GTF3C5: variants seen among roughly 807,000 people sequenced by gnomAD.
GTF3C5 encodes general transcription factor 3C polypeptide 5.
GTF3C5 carries 47 observed loss-of-function variants against 61.0 expected under a neutral mutation model. That is an observed-to-expected ratio of 0.77 (90% CI 0.61 to 0.98). The LOEUF (loss-of-function observed/expected upper bound fraction) is 0.98. Ranked by LOEUF, GTF3C5 falls within the 50% of genes least tolerant of loss-of-function variation. The pLI is 0.00. For missense variants in GTF3C5, 659 were observed against 703.3 expected (o/e 0.94, Z 0.71); for synonymous variants, 295 against 275.4 (o/e 1.07, Z -0.71).
At chr9:133,052,324 C>CCCTGGCCTGGCCCTCATCCTT (rs1260559747) in intron 5 of GTF3C5, among the ~76,000 whole-genome samples, 160 bp downstream of exon 5, 1 of 151,156 alleles carries the variant, frequency 6.6e-6, no homozygotes, top group African/African-American at 2.4e-5. Flanking sequence ...TCCTACCCAC[C>CCCTGGCCTGGCCCTCATCCTT]CCTGGCCTGG....
intron 3 of GTF3C5, among the ~76,000 whole-genome samples, chr9:133,049,062 G>C (rs1231983181): frequency 1.3e-5 from 2 of 152,350 alleles, no homozygotes; most frequent in East Asian, 3.9e-4. Flanking sequence ...CCTAACTGGA[G>C]GATGGTGGGT....
At chr9:133,030,903 C>T, upstream of GTF3C5, 1 of 1,282,664 alleles carries the variant, frequency 7.8e-7, no homozygotes. Context: ...GTTAGGATGA[C>T]GCGAGCGGTG....
At chr9:133,032,174 C>T (rs1265580685) in intron 1 of GTF3C5, among the ~76,000 whole-genome samples, 1 of 152,196 alleles carries the variant, frequency 6.6e-6, no homozygotes, top group Non-Finnish European at 1.5e-5. Flanking sequence ...GTGATCCACC[C>T]GTCTTGGCCT....
chr9:133,030,762 C>T (rs924324065), upstream of GTF3C5: 1 of 604,194 alleles, frequency 1.7e-6, no homozygotes, highest in South Asian at 1.9e-5. Flanking sequence ...GGTGCTTGCC[C>T]CGCCCGGTGG....
At chr9:133,055,492 T>A (rs964642695) in intron 8 of GTF3C5, 1 of 1,201,032 alleles carries the variant, frequency 8.3e-7, no homozygotes, top group African/African-American at 1.6e-5. Flanking sequence ...TGCCACAGCC[T>A]GTGCGGCCTT....
intron 2 of GTF3C5, 114 bp from the exon 3 acceptor site, chr9:133,043,614 C>A: frequency 1.2e-6 from 1 of 801,456 alleles, no homozygotes; most frequent in South Asian, 1.5e-5. Context: ...CCTCACCCTG[C>A]AGCCTCCACC....
intron 4 of GTF3C5, 123 bp downstream of exon 4, chr9:133,051,101 GT>G: frequency 4.6e-6 from 3 of 650,878 alleles, no homozygotes; most frequent in Non-Finnish European, 7.6e-6. Context: ...CCATTCCTTA[GT>G]GCATGGGAAC....
intron 1 of GTF3C5, among the ~76,000 whole-genome samples, chr9:133,035,445 A>G (rs947129932): frequency 2.6e-5 from 4 of 152,312 alleles, no homozygotes; most frequent in African/African-American, 4.8e-5. Context: ...TTTCCAGAGT[A>G]TAAATTCCTA....
At chr9:133,031,242 C>G (rs768210760) in intron 1 of GTF3C5, 78 bp downstream of exon 1, 2 of 1,352,750 alleles carry the variant, frequency 1.5e-6, no homozygotes, top group African/African-American at 1.5e-5. Flanking sequence ...GATTTCTCAG[C>G]AAGGGAAATT....
chr9:133,042,979 C>G (rs905712641), intron 2 of GTF3C5, among the ~76,000 whole-genome samples: 3 of 152,204 alleles, frequency 2.0e-5, no homozygotes, highest in Non-Finnish European at 4.4e-5. Context: ...AATGGGCCAG[C>G]CTCTGGCCCA....
chr9:133,033,797 C>T (rs893938331), intron 1 of GTF3C5, among the ~76,000 whole-genome samples: 1 of 152,204 alleles, frequency 6.6e-6, no homozygotes, highest in Admixed American at 6.5e-5. Context: ...ATATTTAATC[C>T]ATTCCATCCA....
rs533001992 is a variant in GTF3C5 at position 133,046,542 on chromosome 9, C to A, written c.572+2616C>A. 2.6e-4 allele frequency among the ~76,000 whole-genome samples: 39 copies of A among 152,306 alleles called. No homozygotes were observed. The South Asian group carries it at 7.9e-3, about 31-fold the overall frequency. On this transcript the variant is annotated intron_variant, in intron 3 of 10. Transcript: ENST00000372097. Reference sequence around the variant, plus strand: ...TTCTTTGAAGGGGTGGGAGGGCTTTCTCATTCCTCATTATGTGTTTCCTTT... The same window carrying A: ...TTCTTTGAAGGGGTGGGAGGGCTTTATCATTCCTCATTATGTGTTTCCTTT...
intron 1 of GTF3C5, among the ~76,000 whole-genome samples, chr9:133,038,582 C>G (rs1849946042): frequency 6.6e-6 from 1 of 150,732 alleles, no homozygotes; most frequent in South Asian, 2.1e-4. Context: ...TCCTGAGTAG[C>G]TGGGATTATA....
chr9:133,052,919 G>A (rs1238544677), intron 5 of GTF3C5, among the ~76,000 whole-genome samples: 33 of 152,122 alleles, frequency 2.2e-4, no homozygotes, highest in Non-Finnish European at 5.9e-5. Context: ...TGCAACCTCC[G>A]CCTCTGGGAT....
intron 3 of GTF3C5, among the ~76,000 whole-genome samples, chr9:133,047,938 G>A (rs537093839): frequency 4.3e-4 from 66 of 152,264 alleles, no homozygotes; most frequent in African/African-American, 1.3e-3. Flanking sequence ...CAGCCTGAGC[G>A]ACATAGTGAG....
chr9:133,053,283 T>C (rs1850441428), intron 5 of GTF3C5, among the ~76,000 whole-genome samples: 1 of 152,134 alleles, frequency 6.6e-6, no homozygotes, highest in Non-Finnish European at 1.5e-5. Flanking sequence ...TCTCATTTAA[T>C]CCTCTGAAAA....
Position 133,054,748 on chromosome 9 carries a change from G to A in GTF3C5, c.1106G>A (p.Gly369Asp). The change falls in exon 8 of 11, where the codon GGC becomes GAC. Residue 369 changes from glycine to aspartate, a missense_variant. Transcript: ENST00000372097. ...QLVTMHDLKQ[G>D]LGPSGTSGAR... ...GTCACCATGCATGACCTGAAGCAGGGCCTGGGCCCGTCGGGGACGAGTGGT... is the reference window on the plus strand; with the variant it reads ...GTCACCATGCATGACCTGAAGCAGGACCTGGGCCCGTCGGGGACGAGTGGT... The A allele has an allele frequency of 1.3e-6, 2 of 1,584,266 alleles. No homozygotes were observed. The highest frequency in any genetic ancestry group is 1.7e-6 in the Non-Finnish European group (2 of 1,165,576).
At chr9:133,032,205 G>A (rs1849752620) in intron 1 of GTF3C5, among the ~76,000 whole-genome samples, 1 of 152,240 alleles carries the variant, frequency 6.6e-6, no homozygotes, top group Non-Finnish European at 1.5e-5. Flanking sequence ...TGGGATTATA[G>A]GCGTGAGCCA....
intron 1 of GTF3C5, among the ~76,000 whole-genome samples, chr9:133,038,935 T>C (rs559968749): frequency 2.6e-5 from 4 of 152,284 alleles, no homozygotes; most frequent in African/African-American, 9.6e-5. Flanking sequence ...AGGGATAGAC[T>C]GTTATGTTGT....
Sources: allele counts gnomAD v4.1 joint callset (sites outside exome capture counted in the v4.1 genomes callset), GRCh38; gene constraint gnomAD v4.1.1; transcripts MANE v1.5; gene names NCBI Gene and HGNC (gene_info 2026-07-23, HGNC 2026-07-21).